Variants in PDE3A observed in about 807,000 individuals in gnomAD.
PDE3A encodes phosphodiesterase 3A, also known as cGMP-inhibited 3',5'-cyclic phosphodiesterase 3A.
A neutral mutation model predicts 98.3 loss-of-function variants in PDE3A; 43 were observed. The observed-to-expected ratio is 0.44, with a 90% CI of 0.34 to 0.56. The LOEUF is 0.56. Among genes scored for constraint, PDE3A ranks in the 20% least tolerant of loss-of-function variants. The pLI, the probability that PDE3A is intolerant of heterozygous loss-of-function variation, is 0.01. For synonymous variants in PDE3A, 663 were observed against 567.9 expected, an observed-to-expected ratio of 1.17 and a Z score of -2.38; for missense variants, 1,427 against 1,440.7, an observed-to-expected ratio of 0.99 and a Z score of 0.15.
At chr12:20,631,973 C>T (rs1039571412) in intron 6 of PDE3A, among the ~76,000 whole-genome samples, 11 of 152,062 alleles carry the variant, frequency 7.2e-5, no homozygotes, top group African/African-American at 1.4e-4. Flanking sequence ...AAGAGTTTGG[C>T]GTTGAATCCC....
chr12:20,413,835 A>T (rs543305108), intron 1 of PDE3A, among the ~76,000 whole-genome samples: 4 of 152,322 alleles, frequency 2.6e-5, no homozygotes, highest in African/African-American at 9.6e-5. Context: ...ACCAGCAGCC[A>T]GGACAGTGGA....
chr12:20,369,443 G>A lies in PDE3A; in HGVS notation c.159G>A (p.Gln53=). Residue 53 remains glutamine (Q), a synonymous_variant, in exon 1 of 16, where the codon CAG becomes CAA. Transcript: ENST00000359062. ...CRGCWGDLVL[Q]PLRSSRKLSS... ...GCTGCTGGGGAGACCTGGTGCTGCAGCCGCTCCGGAGCTCTCGGAAACTTT... is the reference window on the plus strand; with the variant it reads ...GCTGCTGGGGAGACCTGGTGCTGCAACCGCTCCGGAGCTCTCGGAAACTTT... 3 of 1,555,652 alleles carry A rather than the reference G, an allele frequency of 1.9e-6. No individual in the cohort carries two copies. Among genetic ancestry groups the A allele is most frequent in the African/African-American group, 1.4e-5 (1 of 73,456 alleles).
At chr12:20,625,616 T>C (rs776606684) in intron 5 of PDE3A, among the ~76,000 whole-genome samples, 1 of 152,184 alleles carries the variant, frequency 6.6e-6, no homozygotes, top group Non-Finnish European at 1.5e-5. Flanking sequence ...GCTGGTTCCT[T>C]TTTTGTTCCA....
intron 1 of PDE3A, among the ~76,000 whole-genome samples, chr12:20,413,178 G>A (rs968946936): frequency 1.6e-4 from 25 of 152,192 alleles, no homozygotes; most frequent in Admixed American, 1.5e-3. Context: ...CTTTGTCTAT[G>A]GGACCAGTGA....
At chr12:20,435,940 G>C (rs1004604771) in intron 1 of PDE3A, among the ~76,000 whole-genome samples, 1 of 152,088 alleles carries the variant, frequency 6.6e-6, no homozygotes, top group Non-Finnish European at 1.5e-5. Flanking sequence ...TGTGTTTCTT[G>C]TGTTGCATTA....
chr12:20,606,034 G>A (rs566981324), intron 2 of PDE3A, among the ~76,000 whole-genome samples: 2 of 152,204 alleles, frequency 1.3e-5, no homozygotes, highest in African/African-American at 2.4e-5. Context: ...CTACCTCAAA[G>A]CAAATTTATC....
chr12:20,483,124 C>G (rs1221210357), intron 1 of PDE3A, among the ~76,000 whole-genome samples: 1 of 152,254 alleles, frequency 6.6e-6, no homozygotes, highest in Non-Finnish European at 1.5e-5. Flanking sequence ...TACGCGGTAG[C>G]TCACTCCTGT....
chr12:20,571,846 G>A (rs2121313052), intron 2 of PDE3A: 1 of 948,786 alleles, frequency 1.1e-6, no homozygotes, highest in Non-Finnish European at 1.3e-6. Flanking sequence ...AAAGCTTCTA[G>A]TATCCAAGTA....
At chr12:20,418,837 T>A (rs1591910691) in intron 1 of PDE3A, among the ~76,000 whole-genome samples, 1 of 152,308 alleles carries the variant, frequency 6.6e-6, no homozygotes, top group East Asian at 1.9e-4. Flanking sequence ...TATTTTTAAA[T>A]TAACAGTATG....
At chr12:20,673,091 A>T (rs1228070165) in intron 15 of PDE3A, among the ~76,000 whole-genome samples, 1 of 151,514 alleles carries the variant, frequency 6.6e-6, no homozygotes, top group African/African-American at 2.4e-5. Context: ...CAAAAAACAC[A>T]TGAAAAAATG....
intron 1 of PDE3A, among the ~76,000 whole-genome samples, chr12:20,511,765 A>G (rs2121118424): frequency 6.6e-6 from 1 of 152,198 alleles, no homozygotes; most frequent in South Asian, 2.1e-4. Context: ...TCTTCTCAGG[A>G]GAGAAATGGG....
At chr12:20,461,517 A>G (rs1349340731) in intron 1 of PDE3A, among the ~76,000 whole-genome samples, 1 of 152,184 alleles carries the variant, frequency 6.6e-6, no homozygotes, top group Non-Finnish European at 1.5e-5. Context: ...AGTAATATAT[A>G]TAGCACATTT....
chr12:20,398,510 GA>G (rs1326008584), intron 1 of PDE3A, among the ~76,000 whole-genome samples: 1 of 151,836 alleles, frequency 6.6e-6, no homozygotes. Context: ...TCATAAATAT[GA>G]AAGAAAGCCA....
chr12:20,531,715 T>C (rs1240489107), intron 1 of PDE3A, among the ~76,000 whole-genome samples: 2 of 152,206 alleles, frequency 1.3e-5, no homozygotes, highest in Admixed American at 1.3e-4. Flanking sequence ...CTTTGGGAAG[T>C]ATATCCTTAT....
chr12:20,459,275 C>T (rs1331689916), intron 1 of PDE3A, among the ~76,000 whole-genome samples: 3 of 151,976 alleles, frequency 2.0e-5, no homozygotes, highest in Admixed American at 6.6e-5. Context: ...TTTCAACTAT[C>T]CCGGAGGTAG....
intron 1 of PDE3A, among the ~76,000 whole-genome samples, chr12:20,479,110 G>A (rs1945579514): frequency 6.6e-6 from 1 of 152,136 alleles, no homozygotes; most frequent in African/African-American, 2.4e-5. Context: ...TTCAGGTAGT[G>A]TTGCTGTATT....
intron 1 of PDE3A, among the ~76,000 whole-genome samples, chr12:20,463,963 T>C (rs1397159914): frequency 6.6e-6 from 1 of 152,182 alleles, no homozygotes; most frequent in African/African-American, 2.4e-5. Context: ...GGACACCCTT[T>C]ATAGATGGAT....
chr12:20,603,760 A>G (rs1943649714), intron 2 of PDE3A, among the ~76,000 whole-genome samples: 1 of 152,168 alleles, frequency 6.6e-6, no homozygotes, highest in Non-Finnish European at 1.5e-5. Flanking sequence ...TATCAAACAT[A>G]TATTTTGGAC....
chr12:20,369,426 G>A lies in PDE3A; in HGVS notation c.142G>A (p.Gly48Arg). 2 of 1,555,644 alleles carry A rather than the reference G, an allele frequency of 1.3e-6. No homozygotes were observed. Among genetic ancestry groups the A allele is most frequent in the Non-Finnish European group, 8.7e-7 (1 of 1,150,628 alleles). Residue 48 changes from glycine (G) to arginine (R), a missense_variant, in exon 1 of 16, where the codon GGA (glycine) becomes AGA (arginine). Gly to Arg is a moderately radical substitution (Grantham distance 125, BLOSUM62 -2). This residue lies in a region of PDE3A where 1,012 missense variants were observed against 886.5 expected (regional missense o/e 1.14). Coordinates refer to ENST00000359062, the MANE Select transcript of PDE3A (RefSeq NM_000921.5). Reference sequence around the variant, plus strand: ...GGACTCGGGCTGCCGTGGCTGCTGGGGAGACCTGGTGCTGCAGCCGCTCCG... The same window carrying A: ...GGACTCGGGCTGCCGTGGCTGCTGGAGAGACCTGGTGCTGCAGCCGCTCCG... Reference protein sequence around the residue: ...PRDSGCRGCWGDLVLQPLRSS... With the variant: ...PRDSGCRGCWRDLVLQPLRSS...
Sources: gnomAD v4.1 joint callset for allele counts (sites outside exome capture counted in the v4.1 genomes callset) on GRCh38, gnomAD v4.1.1 for gene constraint, gnomAD v4.1.1 regional missense constraint, MANE v1.5 for transcripts, NCBI Gene and HGNC (gene_info 2026-07-23, HGNC 2026-07-21) for gene names.